Variants in FBXL7 observed in about 807,000 individuals in gnomAD.
FBXL7 encodes F-box/LRR-repeat protein 7.
Under a neutral mutation model 38.3 loss-of-function variants are expected in FBXL7, and 12 were observed. The observed-to-expected ratio is 0.31, with a 90% CI of 0.20 to 0.51. FBXL7 has a LOEUF of 0.51. FBXL7 is among the 20% of genes least tolerant of loss of function. The pLI, the probability that FBXL7 is intolerant of heterozygous loss-of-function variation, is 0.98. For missense variants in FBXL7, 567 were observed against 676.4 expected (o/e 0.84, Z 1.79); for synonymous variants, 297 against 300.9 (o/e 0.99, Z 0.13).
chr5:15,508,051 A>G (rs1736694145), intron 1 of FBXL7, among the ~76,000 whole-genome samples: 1 of 152,124 alleles, frequency 6.6e-6, no homozygotes, highest in African/African-American at 2.4e-5. Context: ...CTCAAAAAAC[A>G]TATATATCTT....
chr5:15,803,076 C>A (rs1737613926), intron 2 of FBXL7, among the ~76,000 whole-genome samples: 1 of 152,166 alleles, frequency 6.6e-6, no homozygotes. Flanking sequence ...CTAGTTATTT[C>A]CCATACCTTC....
chr5:15,762,779 A>G (rs989488128), intron 2 of FBXL7, among the ~76,000 whole-genome samples: 4 of 152,168 alleles, frequency 2.6e-5, no homozygotes, highest in African/African-American at 9.7e-5. Context: ...AGTAATTTTT[A>G]ATTTAACATT....
intron 1 of FBXL7, chr5:15,580,872 A>C (rs1739115994): frequency 2.1e-6 from 2 of 950,012 alleles, no homozygotes; most frequent in Non-Finnish European, 1.3e-6. Flanking sequence ...CATGGCTGGA[A>C]GGGGCATGGA....
rs116856944 is a variant in FBXL7, at chr5:15,536,143, C to G, written c.37+35430C>G. Among the ~76,000 whole-genome samples, 67 of 152,380 alleles carry G rather than the reference C, an allele frequency of 4.4e-4. 1 individual carries two copies. The East Asian group carries it at 0.012, about 26-fold the overall frequency. On this transcript the variant is annotated intron_variant, in intron 1 of 3. Transcript: ENST00000504595. ...AGAGTTGAGGTCTGGGAACCTCCACCTAGATTTCAGAGTATGTATGCAAAC... is the reference window on the plus strand; with the variant it reads ...AGAGTTGAGGTCTGGGAACCTCCACGTAGATTTCAGAGTATGTATGCAAAC...
chr5:15,886,325 A>G (rs777508723), intron 2 of FBXL7, among the ~76,000 whole-genome samples: 8 of 151,988 alleles, frequency 5.3e-5, no homozygotes, highest in Non-Finnish European at 1.2e-4. Context: ...GCATATTTTT[A>G]CAGTGAGAAC....
rs201236074 is a variant in FBXL7, at chr5:15,930,050, T to TA, written c.739+1550dup. Among the ~76,000 whole-genome samples the TA allele has an allele frequency of 2.4e-4, 36 of 152,338 alleles. 1 individual carries two copies. In the East Asian group the frequency reaches 2.9e-3, roughly 12 times the overall value. On this transcript the variant is annotated intron_variant, in intron 3 of 3. Transcript: ENST00000504595. ...GAAAATATTTCAGATGACAGCCCAT[T>TA]ACTTTTTGCAGATTCTTTCCCGTGC...
chr5:15,705,879 T>C (rs1465655855), intron 2 of FBXL7, among the ~76,000 whole-genome samples: 2 of 152,086 alleles, frequency 1.3e-5, no homozygotes, highest in African/African-American at 4.8e-5. Flanking sequence ...TAACAATAAA[T>C]AAATGTTTAT....
At chr5:15,850,548 T>G (rs896184202) in intron 2 of FBXL7, among the ~76,000 whole-genome samples, 3 of 152,208 alleles carry the variant, frequency 2.0e-5, no homozygotes, top group Non-Finnish European at 2.9e-5. Flanking sequence ...TTTTAAAATT[T>G]AGATGTTTGT....
At chr5:15,838,508 G>A (rs1343862679) in intron 2 of FBXL7, among the ~76,000 whole-genome samples, 1 of 152,108 alleles carries the variant, frequency 6.6e-6, no homozygotes, top group African/African-American at 2.4e-5. Context: ...GAATTTTTGT[G>A]GTAACACAAC....
At chr5:15,714,678 C>T (rs1354207533) in intron 2 of FBXL7, among the ~76,000 whole-genome samples, 1 of 151,964 alleles carries the variant, frequency 6.6e-6, no homozygotes, top group Non-Finnish European at 1.5e-5. Context: ...GAAACCCCAT[C>T]TCTACTAAAA....
chr5:15,728,622 G>T (rs1201670262), intron 2 of FBXL7, among the ~76,000 whole-genome samples: 1 of 152,128 alleles, frequency 6.6e-6, no homozygotes, highest in South Asian at 2.1e-4. Flanking sequence ...AATTCATCCT[G>T]TGAAATTGAT....
At position 15,620,413 on chromosome 5, in the gene FBXL7, GT is replaced by G. The variant is rs1222509010; in HGVS notation, c.127+4356del. ...ACGCCCAGCTAATTTTTTGTTTTTT[GT>G]TTTTTTTTTTTTTTAAGTAGAAACG... On this transcript the variant is annotated intron_variant, in intron 2 of 3. Transcript: ENST00000504595. 5.2e-3 allele frequency among the ~76,000 whole-genome samples: 498 copies of G among 95,202 alleles called. 6 individuals carry two copies. Among genetic ancestry groups the G allele is most frequent in the African/African-American group, 0.014 (377 of 27,106 alleles). The allele number at this position is 95,202 out of a possible 152,430, so 62.5% of individuals were successfully genotyped here.
intron 2 of FBXL7, among the ~76,000 whole-genome samples, chr5:15,826,661 T>TG (rs936815956): frequency 2.6e-5 from 4 of 152,222 alleles, no homozygotes; most frequent in African/African-American, 7.2e-5. Flanking sequence ...TCAAGTGATC[T>TG]GCCCACCTCA....
At chr5:15,682,282 C>G (rs141952054) in intron 2 of FBXL7, among the ~76,000 whole-genome samples, 13 of 152,288 alleles carry the variant, frequency 8.5e-5, no homozygotes, top group African/African-American at 3.1e-4. Context: ...TGAATGGCCT[C>G]CCTCACCTCT....
intron 1 of FBXL7, among the ~76,000 whole-genome samples, chr5:15,506,678 G>C (rs563049367): frequency 6.6e-6 from 1 of 152,136 alleles, no homozygotes; most frequent in African/African-American, 2.4e-5. Context: ...GCAGATTGCT[G>C]TCTTCTCATT....
intron 2 of FBXL7, among the ~76,000 whole-genome samples, chr5:15,780,177 A>G (rs879858047): frequency 6.6e-6 from 1 of 152,156 alleles, no homozygotes; most frequent in Non-Finnish European, 1.5e-5. Context: ...TCACTAAGAA[A>G]AGAGCAAGAT....
chr5:15,814,930 T>C (rs900728067), intron 2 of FBXL7, among the ~76,000 whole-genome samples: 1 of 152,146 alleles, frequency 6.6e-6, no homozygotes, highest in African/African-American at 2.4e-5. Flanking sequence ...CTAGTGTTGT[T>C]TGAGGGCTGC....
intron 2 of FBXL7, among the ~76,000 whole-genome samples, chr5:15,861,012 G>T (rs934304987): frequency 2.6e-5 from 4 of 152,184 alleles, no homozygotes; most frequent in African/African-American, 9.7e-5. Flanking sequence ...TGTGCTTCAA[G>T]ATAATATTTG....
intron 2 of FBXL7, among the ~76,000 whole-genome samples, chr5:15,617,972 C>A (rs1056766176): frequency 1.3e-5 from 2 of 152,020 alleles, no homozygotes; most frequent in African/African-American, 4.8e-5. Context: ...ATTTTTTCTC[C>A]TTTTCAAAAA....
Sources: allele counts gnomAD v4.1 joint callset (sites outside exome capture counted in the v4.1 genomes callset), GRCh38; gene constraint gnomAD v4.1.1; transcripts MANE v1.5; gene names NCBI Gene and HGNC (gene_info 2026-07-23, HGNC 2026-07-21).